The following RPL11 variants were observed in gnomAD, a reference collection of about 807,000 sequenced individuals.
RPL11 encodes large ribosomal subunit protein uL5.
In RPL11, 3 loss-of-function variants were observed where a neutral mutation model predicts 24.1. The ratio of observed to expected loss-of-function variants is 0.12; its 90% CI spans 0.06 to 0.32. The LOEUF (loss-of-function observed/expected upper bound fraction) is 0.32, where lower values mean the gene tolerates loss of function less well. Ranked by LOEUF, RPL11 falls within the 10% of genes least tolerant of loss-of-function variation. The pLI is 1.00. For missense variants in RPL11, 146 were observed against 225.7 expected, an observed-to-expected ratio of 0.65 and a Z score of 2.26; for synonymous variants, 96 against 75.7, an observed-to-expected ratio of 1.27 and a Z score of -1.39.
rs1278377940 is a variant in RPL11 at position 23,694,683 on chromosome 1, A to G, written c.288A>G (p.Lys96=). The G allele has an allele frequency of 1.2e-6, 2 of 1,613,936 alleles. No individual in the cohort carries two copies. Among genetic ancestry groups the G allele is most frequent in the Non-Finnish European group, 1.7e-6 (2 of 1,179,952 alleles). ...GLKVREYELR[K]NNFSDTGNFG... is the part of the protein sequence containing the mutation. ...AGGTGCGGGAGTATGAGTTAAGAAA[A>G]AACAACTTCTCAGATACTGGAAACT... is the stretch of plus-strand genomic sequence containing the variant. Residue 96 remains lysine, a synonymous_variant, in exon 4 of 6, where the codon AAA becomes AAG. Coordinates refer to ENST00000643754, the MANE Select transcript of RPL11 (RefSeq NM_000975.5).
intron 5 of RPL11, 61 bp from the exon 6 acceptor site, chr1:23,696,283 C>T (rs1281890741): frequency 4.6e-5 from 69 of 1,487,154 alleles, no homozygotes; most frequent in East Asian, 1.1e-4. Flanking sequence ...AAAAGTTAGC[C>T]ATTGCTGCAA....
chr1:23,695,873 A>G lies in RPL11; in HGVS notation c.472A>G (p.Ser158Gly). 7 of 1,596,284 alleles carry G rather than the reference A, an allele frequency of 4.4e-6. No individual in the cohort carries two copies. The highest frequency in any genetic ancestry group is 6.0e-6 in the Non-Finnish European group (7 of 1,171,314). ...CTGCATTGGGGCCAAACACAGAATC[A>G]GCAAAGAGGAGGCCATGCGCTGGTT... ...TGCIGAKHRI[S>G]KEEAMRWFQQ... The change falls in exon 5 of 6, where the codon AGC becomes GGC. Residue 158 changes from serine to glycine, a missense_variant. Ser to Gly is a moderately conservative substitution (Grantham distance 56). Transcript: ENST00000643754.
chr1:23,692,859 A>T, intron 2 of RPL11, 100 bp downstream of exon 2: 1 of 1,498,594 alleles, frequency 6.7e-7, no homozygotes, highest in Non-Finnish European at 9.2e-7. Flanking sequence ...GACAGTCGGC[A>T]TCACTTAAAG....
chr1:23,692,798 G>T (rs1258683036), intron 2 of RPL11, 39 bp downstream of exon 2: 4 of 1,611,564 alleles, frequency 2.5e-6, no homozygotes, highest in Non-Finnish European at 2.5e-6. Flanking sequence ...TGCCTGCTTG[G>T]GTCGCTTGGT....
chr1:23,693,955 C>A (rs774934504), intron 3 of RPL11, 42 bp downstream of exon 3: 9 of 1,342,608 alleles, frequency 6.7e-6, no homozygotes, highest in African/African-American at 1.4e-5. Context: ...ATCAGCACTC[C>A]TTTAGTAACA....
In RPL11 at chr1:23,695,948, T is replaced by A. The variant is rs1462481090; in HGVS notation, c.507+40T>A. On this transcript the variant is annotated intron_variant, in intron 5 of 5. Transcript: ENST00000643754. ...TCTCAAGTGAAGTGGTGGAATGTGATGTTGGTGAATGGAGTTGGGATTTGG... is the reference window on the plus strand; with the variant it reads ...TCTCAAGTGAAGTGGTGGAATGTGAAGTTGGTGAATGGAGTTGGGATTTGG... The A allele has an allele frequency of 2.6e-6, 4 of 1,530,760 alleles. No homozygotes were observed. The East Asian group carries it at 9.7e-5, about 37-fold the overall frequency. 94.8% of individuals were successfully genotyped at this position (1,530,760 alleles called of 1,614,324 possible).
chr1:23,692,183 C>T (rs1644504558), intron 1 of RPL11: 5 of 474,038 alleles, frequency 1.1e-5, no homozygotes, highest in South Asian at 9.1e-5. Flanking sequence ...TAGTCGGTTG[C>T]TCCGCTTAGG....
chr1:23,696,510 G>T lies in RPL11; in HGVS notation c.*137G>T. Reference sequence around the variant, plus strand: ...ACTTAAAGCTTCGATGGGAGTAGCTGGTAACAACCCCGTCATCCTCTGATT... The same window carrying T: ...ACTTAAAGCTTCGATGGGAGTAGCTTGTAACAACCCCGTCATCCTCTGATT... On this transcript the variant is annotated 3_prime_UTR_variant, in exon 6 of 6. Transcript: ENST00000643754. The T allele has an allele frequency of 1.2e-6, 1 of 801,886 alleles. No homozygotes were observed. Among genetic ancestry groups the T allele is most frequent in the Non-Finnish European group, 2.2e-6 (1 of 464,558 alleles). 49.7% of individuals were successfully genotyped at this position (801,886 alleles called of 1,614,324 possible). A position where few individuals can be genotyped will look rare whatever the true frequency, so the allele number is the denominator to read the frequency against.
rs1644523012 is a variant in RPL11 at position 23,694,758 on chromosome 1, A to G, written c.363A>G (p.Pro121=). ...EHIDLGIKYD[P]SIGIYGLDFY... Reference sequence around the variant, plus strand: ...TCGATCTGGGTATCAAATATGACCCAAGCATTGGTATCTACGGCCTGGACT... The same window carrying G: ...TCGATCTGGGTATCAAATATGACCCGAGCATTGGTATCTACGGCCTGGACT... Residue 121 remains proline (P), a synonymous_variant, in exon 4 of 6, where the codon CCA becomes CCG. Transcript: ENST00000643754. 1 of 1,614,246 alleles carries G rather than the reference A, an allele frequency of 6.2e-7. No individual in the cohort carries two copies.
chr1:23,696,300 C>T, intron 5 of RPL11, 44 bp from the exon 6 acceptor site: 3 of 1,590,670 alleles, frequency 1.9e-6, no homozygotes, highest in Non-Finnish European at 1.7e-6. Flanking sequence ...GCAATCTCTG[C>T]TGTTGCCTCC....
chr1:23,693,488 T>C (rs1260312311), intron 2 of RPL11, among the ~76,000 whole-genome samples: 1 of 152,238 alleles, frequency 6.6e-6, no homozygotes, highest in Non-Finnish European at 1.5e-5. Context: ...CAATAATGCT[T>C]TGTTTTCTTT....
At chr1:23,692,861 C>A in intron 2 of RPL11, 102 bp downstream of exon 2, 27 of 1,383,474 alleles carry the variant, frequency 2.0e-5, no homozygotes, top group Non-Finnish European at 2.5e-5. Flanking sequence ...CAGTCGGCAT[C>A]ACTTAAAGCA....
chr1:23,694,561 T>C, intron 3 of RPL11, 99 bp from the exon 4 acceptor site: 1 of 1,531,704 alleles, frequency 6.5e-7, no homozygotes, highest in African/African-American at 1.4e-5. Context: ...TTCTGTTTGC[T>C]CTGGGGTGCA....
Position 23,696,458 on chromosome 1 carries a change from C to G in RPL11, c.*85C>G. ...GTGTGTTCTGTGAAAGGATCCTGGC[C>G]ATATTCAAGTCCTTGGACCTCAAGC... On this transcript the variant is annotated 3_prime_UTR_variant, in exon 6 of 6. Coordinates refer to ENST00000643754, the MANE Select transcript of RPL11 (RefSeq NM_000975.5). The G allele has an allele frequency of 7.2e-7, 1 of 1,393,410 alleles. No homozygotes were observed. The highest frequency in any genetic ancestry group is 1.0e-6 in the Non-Finnish European group (1 of 983,778). 86.3% of individuals were successfully genotyped at this position (1,393,410 alleles called of 1,614,324 possible). A position where few individuals can be genotyped will look rare whatever the true frequency, so the allele number is the denominator to read the frequency against.
chr1:23,695,697 T>G, intron 4 of RPL11, 101 bp from the exon 5 acceptor site: 1 of 1,109,164 alleles, frequency 9.0e-7, no homozygotes, highest in South Asian at 1.3e-5. Flanking sequence ...TCCATTGGGC[T>G]GCCAAGTGAC....
intron 2 of RPL11, among the ~76,000 whole-genome samples, chr1:23,693,164 A>G (rs1644512059): frequency 6.6e-6 from 1 of 152,094 alleles, no homozygotes; most frequent in East Asian, 1.9e-4. Flanking sequence ...AGCCTGGTTG[A>G]CCCTATCTCA....
At chr1:23,694,575 T>C in intron 3 of RPL11, 85 bp from the exon 4 acceptor site, 1 of 1,586,424 alleles carries the variant, frequency 6.3e-7, no homozygotes, top group South Asian at 1.1e-5. Flanking sequence ...GGGTGCATGT[T>C]GCAGGCTGAG....
chr1:23,694,557 T>C, intron 3 of RPL11, 103 bp from the exon 4 acceptor site: 1 of 1,512,616 alleles, frequency 6.6e-7, no homozygotes, highest in South Asian at 1.1e-5. Flanking sequence ...TGACTTCTGT[T>C]TGCTCTGGGG....
chr1:23,693,133 A>G (rs562637739), intron 2 of RPL11, among the ~76,000 whole-genome samples: 164 of 152,314 alleles, frequency 1.1e-3, no homozygotes, highest in Non-Finnish European at 5.9e-4. Context: ...TCAGTGGCCT[A>G]TATTAGTGCC....
Sources: allele counts gnomAD v4.1 joint callset (sites outside exome capture counted in the v4.1 genomes callset), GRCh38; gene constraint gnomAD v4.1.1; transcripts MANE v1.5; gene names NCBI Gene and HGNC (gene_info 2026-07-23, HGNC 2026-07-21).